Variants in STAU2 observed in about 807,000 individuals in gnomAD.
STAU2 encodes the protein double-stranded RNA-binding protein Staufen homolog 2.
Under a neutral mutation model 65.9 loss-of-function variants are expected in STAU2, and 20 were observed. The ratio of observed to expected loss-of-function variants is 0.30; its 90% CI spans 0.21 to 0.44. STAU2 has a LOEUF of 0.44. Among genes scored for constraint, STAU2 ranks in the 20% least tolerant of loss-of-function variants. The pLI, the probability that STAU2 is intolerant of heterozygous loss-of-function variation, is 1.00. For missense variants in STAU2, 558 were observed against 683.9 expected (o/e 0.82, Z 2.05); for synonymous variants, 232 against 233.9 (o/e 0.99, Z 0.07).
At chr8:73,637,466 AGTGCTG>A (rs1426367974) in intron 6 of STAU2, among the ~76,000 whole-genome samples, 128 of 142,432 alleles carry the variant, frequency 9.0e-4, no homozygotes, top group African/African-American at 3.3e-3. Context: ...GTCTTTATAA[AGTGCTG>A]AAAGTAAAAA....
intron 13 of STAU2, among the ~76,000 whole-genome samples, chr8:73,445,987 A>C (rs768744481): frequency 6.6e-6 from 1 of 152,240 alleles, no homozygotes; most frequent in Non-Finnish European, 1.5e-5. Context: ...CATTTATCCC[A>C]AAGAAATGAA....
At chr8:73,527,288 G>A (rs372133477) in intron 13 of STAU2, 1 of 159,456 alleles carries the variant, frequency 6.3e-6, no homozygotes, top group East Asian at 1.7e-4. Flanking sequence ...GTCATTAAGT[G>A]ACGCATCACT....
chr8:73,683,191 G>A (rs1425450247), intron 5 of STAU2, among the ~76,000 whole-genome samples: 3 of 152,120 alleles, frequency 2.0e-5, no homozygotes, highest in African/African-American at 7.2e-5. Flanking sequence ...TATCCCTGAT[G>A]AACATAGATG....
chr8:73,697,274 C>T (rs1021224057), intron 4 of STAU2: 3 of 152,098 alleles, frequency 2.0e-5, no homozygotes, highest in Non-Finnish European at 4.4e-5. Flanking sequence ...TGTGGCAAGA[C>T]ATATTTTAAG....
chr8:73,685,197 T>C (rs1308162122), intron 5 of STAU2, among the ~76,000 whole-genome samples: 1 of 152,144 alleles, frequency 6.6e-6, no homozygotes, highest in Admixed American at 6.6e-5. Context: ...TCAAGCCATA[T>C]AGAACTGTGA....
intron 13 of STAU2, among the ~76,000 whole-genome samples, chr8:73,450,611 C>T (rs1818752707): frequency 6.6e-6 from 1 of 152,196 alleles, no homozygotes; most frequent in Non-Finnish European, 1.5e-5. Flanking sequence ...TATTGGTATT[C>T]TTCTGATGAC....
At chr8:73,668,497 T>C (rs1817400983) in intron 6 of STAU2, among the ~76,000 whole-genome samples, 1 of 152,206 alleles carries the variant, frequency 6.6e-6, no homozygotes, top group African/African-American at 2.4e-5. Context: ...TCTGTGAATA[T>C]ACAAAATTGA....
At chr8:73,438,586 A>C (rs992699908) in intron 13 of STAU2, among the ~76,000 whole-genome samples, 2 of 152,188 alleles carry the variant, frequency 1.3e-5, no homozygotes, top group African/African-American at 4.8e-5. Context: ...TATTCTGGGG[A>C]AGGCTGGGCC....
intron 13 of STAU2, among the ~76,000 whole-genome samples, chr8:73,473,653 G>C (rs1358137966): frequency 6.6e-6 from 1 of 151,938 alleles, no homozygotes; most frequent in Non-Finnish European, 1.5e-5. Context: ...GAAGGAGAGA[G>C]AAACGGCCAG....
intron 12 of STAU2, among the ~76,000 whole-genome samples, chr8:73,556,475 A>C (rs1807774571): frequency 6.6e-6 from 1 of 152,132 alleles, no homozygotes. Context: ...AAAAATCTTA[A>C]GGCTGGGTGC....
intron 1 of STAU2, among the ~76,000 whole-genome samples, chr8:73,744,594 AT>A (rs1041922879): frequency 1.3e-5 from 2 of 152,004 alleles, no homozygotes; most frequent in African/African-American, 2.4e-5. Flanking sequence ...ACTATCTTAG[AT>A]TTTTTTTATA....
intron 6 of STAU2, among the ~76,000 whole-genome samples, chr8:73,626,114 C>A (rs1011059299): frequency 3.3e-5 from 5 of 151,712 alleles, no homozygotes; most frequent in African/African-American, 1.2e-4. Context: ...GACACATACA[C>A]ATCAACAAAT....
intron 13 of STAU2, among the ~76,000 whole-genome samples, chr8:73,463,046 A>C (rs1441237204): frequency 6.6e-6 from 1 of 152,296 alleles, no homozygotes; most frequent in Non-Finnish European, 1.5e-5. Context: ...CTCCACTTGC[A>C]CTTCCTGAGG....
intron 4 of STAU2, 130 bp from the exon 5 acceptor site, chr8:73,688,943 T>G (rs1276300635): frequency 5.7e-6 from 6 of 1,048,062 alleles, no homozygotes; most frequent in Non-Finnish European, 8.1e-6. Context: ...CTACAGATCA[T>G]CTGCAACAAA....
At chr8:73,425,107 G>A (rs1479651227) in intron 13 of STAU2, among the ~76,000 whole-genome samples, 1 of 152,170 alleles carries the variant, frequency 6.6e-6, no homozygotes, top group Admixed American at 6.5e-5. Flanking sequence ...CCTGGATACT[G>A]TTATAGGTCG....
intron 2 of STAU2, among the ~76,000 whole-genome samples, chr8:73,739,363 C>T (rs1181956441): frequency 6.6e-6 from 1 of 151,130 alleles, no homozygotes; most frequent in African/African-American, 2.4e-5. Context: ...AAATTATATA[C>T]AGACCTCTCC....
chr8:73,551,700 A>G, intron 13 of STAU2: 1 of 1,028,588 alleles, frequency 9.7e-7, no homozygotes, highest in South Asian at 4.6e-5. Flanking sequence ...TGTGGAAGAC[A>G]GAGCGAAGAG....
chr8:73,718,537 C>T (rs533982944), intron 3 of STAU2, among the ~76,000 whole-genome samples: 1 of 152,174 alleles, frequency 6.6e-6, no homozygotes, highest in Non-Finnish European at 1.5e-5. Context: ...TGGGTATATA[C>T]ATGTGCACTG....
chr8:73,651,922 G>C (rs554144046), intron 6 of STAU2, among the ~76,000 whole-genome samples: 45 of 152,324 alleles, frequency 3.0e-4, no homozygotes, highest in African/African-American at 1.1e-3. Context: ...AAAGGTTCTG[G>C]AGATTTCTGG....
Sources: allele counts gnomAD v4.1 joint callset (sites outside exome capture counted in the v4.1 genomes callset), GRCh38; gene constraint gnomAD v4.1.1; transcripts MANE v1.5; gene names NCBI Gene and HGNC (gene_info 2026-07-23, HGNC 2026-07-21).